Variants in SLC44A5 observed in about 807,000 individuals in gnomAD.
SLC44A5 encodes choline transporter-like protein 5.
SLC44A5 carries 57 observed loss-of-function variants against 101.8 expected under a neutral mutation model. The ratio of observed to expected loss-of-function variants is 0.56; its 90% CI spans 0.45 to 0.70. The LOEUF (loss-of-function observed/expected upper bound fraction) is 0.70, where lower values mean the gene tolerates loss of function less well. Among genes scored for constraint, SLC44A5 ranks in the 30% least tolerant of loss-of-function variants. SLC44A5 has a pLI of 0.00. For synonymous variants in SLC44A5, 281 were observed against 290.9 expected (o/e 0.97, Z 0.35); for missense variants, 737 against 853.1 (o/e 0.86, Z 1.70).
At chr1:75,231,208 T>G (rs1219361190) in intron 12 of SLC44A5, among the ~76,000 whole-genome samples, 1 of 152,152 alleles carries the variant, frequency 6.6e-6, no homozygotes, top group Non-Finnish European at 1.5e-5. Context: ...TCCCCTGTTC[T>G]GCTGCCAACT....
chr1:75,478,119 T>C (rs1667555091), intron 2 of SLC44A5, among the ~76,000 whole-genome samples: 1 of 152,104 alleles, frequency 6.6e-6, no homozygotes, highest in Admixed American at 6.6e-5. Flanking sequence ...AAGAAAAGAA[T>C]TGTCAACCCA....
the SLC44A5 span, among the ~76,000 whole-genome samples, chr1:75,680,005 G>C: frequency 6.6e-6 from 1 of 152,142 alleles, no homozygotes; most frequent in Non-Finnish European, 1.5e-5. Context: ...AAAGATCAAA[G>C]AGACAAAGAA....
Position 75,218,635 on chromosome 1 carries a change from A to G in SLC44A5, c.1384T>C (p.Phe462Leu), listed in dbSNP as rs755763386. 36 of 1,613,878 alleles carry G rather than the reference A, an allele frequency of 2.2e-5. No individual in the cohort carries two copies. Among genetic ancestry groups the G allele is most frequent in the Non-Finnish European group, 3.0e-5 (35 of 1,179,796 alleles). ...YIPTFHVYNL[F>L]VFLWLINFVI... ...AAGTTTATAAGCCAGAGAAAGACAA[A>G]TAAGTTGTATACATGGAAGGTAGGG... Residue 462 changes from phenylalanine to leucine, a missense_variant, in exon 17 of 24, where the codon TTT (phenylalanine) becomes CTT (leucine). Coordinates refer to ENST00000370859, the MANE Select transcript of SLC44A5 (RefSeq NM_001130058.2).
In SLC44A5 at chr1:75,271,982, T is replaced by A. The variant is rs551153203; in HGVS notation, c.260+2976A>T. ...ACCACATACATGCCAACATCTATTG[T>A]TTTTTGACTTTTAATTATGGCCATT... On this transcript the variant is annotated intron_variant, in intron 6 of 23. Transcript: ENST00000370859. Among the ~76,000 whole-genome samples, 199 of 152,260 alleles carry A rather than the reference T, an allele frequency of 1.3e-3. 1 individual carries two copies. Among genetic ancestry groups the A allele is most frequent in the Admixed American group, 2.1e-3 (32 of 15,276 alleles).
At chr1:75,233,750 C>G (rs1326476711) in intron 12 of SLC44A5, among the ~76,000 whole-genome samples, 1 of 152,070 alleles carries the variant, frequency 6.6e-6, no homozygotes, top group Non-Finnish European at 1.5e-5. Flanking sequence ...AGACCAAAGG[C>G]TGGTAGGGAA....
At chr1:75,334,422 TA>T (rs1450055427) in intron 4 of SLC44A5, among the ~76,000 whole-genome samples, 1 of 152,156 alleles carries the variant, frequency 6.6e-6, no homozygotes, top group Non-Finnish European at 1.5e-5. Context: ...GTAACTCAGC[TA>T]AGAGATTATT....
chr1:75,300,742 C>A (rs2100864008), intron 4 of SLC44A5, 57 bp from the exon 5 acceptor site: 2 of 1,156,644 alleles, frequency 1.7e-6, no homozygotes, highest in South Asian at 1.7e-5. Flanking sequence ...CTTCCTGTTT[C>A]CTGCACAAAA....
chr1:75,677,275 A>G, the SLC44A5 span, among the ~76,000 whole-genome samples: 1 of 152,346 alleles, frequency 6.6e-6, no homozygotes, highest in Middle Eastern at 3.4e-3. Context: ...ATCAAAAATA[A>G]TAACTACAAA....
chr1:75,717,476 G>C, the SLC44A5 span, among the ~76,000 whole-genome samples: 9 of 152,114 alleles, frequency 5.9e-5, no homozygotes, highest in African/African-American at 2.2e-4. Flanking sequence ...TGGAGGGTAG[G>C]AAGAGGGAGA....
intron 2 of SLC44A5, among the ~76,000 whole-genome samples, chr1:75,508,914 C>T (rs1669414726): frequency 6.6e-6 from 1 of 152,088 alleles, no homozygotes; most frequent in Admixed American, 6.5e-5. Context: ...AGATGTTGAC[C>T]CACAGTGGGT....
the SLC44A5 span, among the ~76,000 whole-genome samples, chr1:75,680,946 C>G: frequency 6.7e-6 from 1 of 150,106 alleles, no homozygotes; most frequent in Non-Finnish European, 1.5e-5. Context: ...ACCGAACCCA[C>G]AGAAATACAA....
intron 2 of SLC44A5, among the ~76,000 whole-genome samples, chr1:75,456,873 A>G (rs971262041): frequency 2.6e-5 from 4 of 152,252 alleles, no homozygotes; most frequent in African/African-American, 9.6e-5. Flanking sequence ...GTGTATTTAA[A>G]TAACATCTTC....
intron 2 of SLC44A5, among the ~76,000 whole-genome samples, chr1:75,454,184 A>C (rs962169099): frequency 6.6e-6 from 1 of 152,138 alleles, no homozygotes. Flanking sequence ...GCATCACATT[A>C]AAAAATGTAA....
chr1:75,543,116 CA>C (rs1671442524), intron 1 of SLC44A5, among the ~76,000 whole-genome samples: 1 of 152,090 alleles, frequency 6.6e-6, no homozygotes, highest in Non-Finnish European at 1.5e-5. Context: ...ATCAAAGGAT[CA>C]GTTAGTATTG....
At chr1:75,685,612 A>G in the SLC44A5 span, among the ~76,000 whole-genome samples, 1 of 152,172 alleles carries the variant, frequency 6.6e-6, no homozygotes, top group Admixed American at 6.5e-5. Flanking sequence ...AAAGCCATTC[A>G]ACAAGTCTCT....
the SLC44A5 span, among the ~76,000 whole-genome samples, chr1:75,659,490 AAGGCAGGCAGGCAGGC>A: frequency 1.4e-4 from 6 of 42,298 alleles, no homozygotes; most frequent in Non-Finnish European, 4.0e-4. Flanking sequence ...GGAAGGAAGG[AAGGCAGGCAGGCAGGC>A]AGGCAGGCAG....
intron 2 of SLC44A5, among the ~76,000 whole-genome samples, chr1:75,426,281 C>T (rs546567453): frequency 1.3e-5 from 2 of 152,246 alleles, no homozygotes; most frequent in East Asian, 3.9e-4. Flanking sequence ...GAAAGTCATT[C>T]CTGATCTCTC....
At chr1:75,481,803 G>A (rs1050459491) in intron 2 of SLC44A5, among the ~76,000 whole-genome samples, 3 of 152,148 alleles carry the variant, frequency 2.0e-5, no homozygotes, top group Non-Finnish European at 4.4e-5. Flanking sequence ...TTACACTATT[G>A]GTGGGAGTGT....
At chr1:75,263,054 T>C (rs1650669608) in intron 6 of SLC44A5, among the ~76,000 whole-genome samples, 1 of 152,118 alleles carries the variant, frequency 6.6e-6, no homozygotes, top group Non-Finnish European at 1.5e-5. Context: ...GCAATACCAT[T>C]TAGGACATAG....
Sources: gnomAD v4.1 joint callset for allele counts (sites outside exome capture counted in the v4.1 genomes callset) on GRCh38, gnomAD v4.1.1 for gene constraint, MANE v1.5 for transcripts, NCBI Gene and HGNC (gene_info 2026-07-23, HGNC 2026-07-21) for gene names.